Variants in PSKH1 observed in about 807,000 individuals in gnomAD.
PSKH1 encodes protein serine kinase H1, also known as serine/threonine-protein kinase H1.
A neutral mutation model predicts 26.7 loss-of-function variants in PSKH1; 12 were observed. The observed-to-expected ratio is 0.45, with a 90% CI of 0.29 to 0.73. PSKH1 has a LOEUF of 0.73. Ranked by LOEUF, PSKH1 falls within the 30% of genes least tolerant of loss-of-function variation. The pLI is 0.11. For synonymous variants in PSKH1, 213 were observed against 234.3 expected (o/e 0.91, Z 0.83); for missense variants, 431 against 595.2 (o/e 0.72, Z 2.87).
intron 1 of PSKH1, among the ~76,000 whole-genome samples, chr16:67,894,355 T>TA (rs2058120270): frequency 6.6e-6 from 1 of 152,136 alleles, no homozygotes; most frequent in South Asian, 2.1e-4. Context: ...GAGTCTGGCT[T>TA]TGTTGCCAGA....
intron 1 of PSKH1, among the ~76,000 whole-genome samples, chr16:67,900,525 G>A (rs562922265): frequency 6.6e-6 from 1 of 152,284 alleles, no homozygotes; most frequent in South Asian, 2.1e-4. Flanking sequence ...ACTGGATGAG[G>A]CCCAGCACTG....
At chr16:67,896,973 T>C (rs2058128360) in intron 1 of PSKH1, among the ~76,000 whole-genome samples, 1 of 152,202 alleles carries the variant, frequency 6.6e-6, no homozygotes, top group Non-Finnish European at 1.5e-5. Flanking sequence ...CATAGTTAAA[T>C]GAGTGAGACT....
intron 1 of PSKH1, among the ~76,000 whole-genome samples, chr16:67,902,273 GAAATAA>G (rs1339135213): frequency 6.7e-6 from 1 of 149,394 alleles, no homozygotes; most frequent in Non-Finnish European, 1.5e-5. Context: ...AAAAAAAAAA[GAAATAA>G]AAATGAATCG....
chr16:67,906,292 G>A (rs1433567804), intron 1 of PSKH1, among the ~76,000 whole-genome samples: 3 of 151,598 alleles, frequency 2.0e-5, no homozygotes, highest in South Asian at 4.2e-4. Context: ...GGCTGGTCTC[G>A]AACTCCCGAC....
Position 67,909,751 on chromosome 16 carries a change from CG to C in PSKH1, c.957+50del. On this transcript the variant is annotated intron_variant, in intron 2 of 2. Transcript: ENST00000291041. The surrounding 1 kb of genome is among the most constrained non-coding windows in gnomAD (Gnocchi z 7.8). ...GTCCTGGATGTTGGGGAGGCACCTG[CG>C]GGGGCAGGTATATCCTGCAGCTCTC... 1 of 1,549,922 alleles carries C rather than the reference CG, an allele frequency of 6.5e-7. No individual in the cohort carries two copies. The highest frequency in any genetic ancestry group is 8.8e-7 in the Non-Finnish European group (1 of 1,138,544).
chr16:67,897,110 G>A (rs547057484), intron 1 of PSKH1, among the ~76,000 whole-genome samples: 1 of 152,294 alleles, frequency 6.6e-6, no homozygotes, highest in South Asian at 2.1e-4. Context: ...CGACCCTTAA[G>A]CTTCAGGATA....
intron 1 of PSKH1, among the ~76,000 whole-genome samples, chr16:67,905,967 C>T (rs1036145972): frequency 6.6e-6 from 1 of 151,982 alleles, no homozygotes; most frequent in African/African-American, 2.4e-5. Flanking sequence ...TATAACCTAC[C>T]TTGGACCATG....
chr16:67,923,225 C>T (rs931881813), intron 2 of PSKH1, among the ~76,000 whole-genome samples: 3 of 152,058 alleles, frequency 2.0e-5, no homozygotes, highest in South Asian at 4.1e-4. Context: ...CGGAAGAGGT[C>T]GCTTCCCATA....
Position 67,927,203 on chromosome 16 carries a change from C to A in PSKH1, c.958-122C>A. 9.8e-7 allele frequency: 1 copy of A among 1,019,416 alleles called. No homozygotes were observed. The highest frequency in any genetic ancestry group is 1.4e-6 in the Non-Finnish European group (1 of 693,010). 63.1% of individuals were successfully genotyped at this position (1,019,416 alleles called of 1,614,324 possible). On this transcript the variant is annotated intron_variant, in intron 2 of 2. Transcript: ENST00000291041. The surrounding 1 kb of genome is among the most constrained non-coding windows in gnomAD (Gnocchi z 5.5). ...GCGTTGGGCGGGGAGGCCCCAAGTG[C>A]TACATGAGAGGAGGGGCAGCACCTC...
rs2058194394 is a variant in PSKH1, at chr16:67,918,762, T to C, written c.958-8563T>C. On this transcript the variant is annotated intron_variant, in intron 2 of 2. Coordinates refer to ENST00000291041, the MANE Select transcript of PSKH1 (RefSeq NM_006742.3). ...GCCAGCCACCACACCTGGCTAATTT[T>C]TGTATTTTTAGTAGAGACGGGGTTT... Among the ~76,000 whole-genome samples the C allele has an allele frequency of 2.0e-5, 3 of 151,986 alleles. No homozygotes were observed. In the South Asian group the frequency reaches 6.2e-4, roughly 32 times the overall value.
In PSKH1 at chr16:67,909,970, A is replaced by T; in HGVS notation, c.957+264A>T. 1.8e-6 allele frequency: 1 copy of T among 561,838 alleles called. No individual in the cohort carries two copies. Among genetic ancestry groups the T allele is most frequent in the Non-Finnish European group, 3.2e-6 (1 of 315,488 alleles). The allele number at this position is 561,838 out of a possible 1,614,324, so 34.8% of individuals were successfully genotyped here. ...GAAGGAGTGGGAAAAGTGAGGCAGG[A>T]AGGGAGAAAGTCAGTAGAGTATATT... On this transcript the variant is annotated intron_variant, in intron 2 of 2. Coordinates refer to ENST00000291041, the MANE Select transcript of PSKH1 (RefSeq NM_006742.3). This position sits in a 1 kb window ranked among gnomAD's most constrained non-coding sequence, Gnocchi z 7.8.
At chr16:67,911,685 C>A (rs1176721747) in intron 2 of PSKH1, among the ~76,000 whole-genome samples, 2 of 151,832 alleles carry the variant, frequency 1.3e-5, no homozygotes, top group South Asian at 4.1e-4. Flanking sequence ...TCTGTCCCCC[C>A]CAAAAAAAAA....
intron 2 of PSKH1, among the ~76,000 whole-genome samples, chr16:67,925,443 C>G (rs537296044): frequency 6.6e-6 from 1 of 152,254 alleles, no homozygotes; most frequent in East Asian, 1.9e-4. Flanking sequence ...CCACCTGCCT[C>G]AGCCTCCCAA....
At chr16:67,899,235 G>A (rs566175966) in intron 1 of PSKH1, among the ~76,000 whole-genome samples, 8 of 151,976 alleles carry the variant, frequency 5.3e-5, no homozygotes, top group Non-Finnish European at 1.2e-4. Flanking sequence ...TCCAAAGAGT[G>A]TGGCTATGGT....
At chr16:67,915,319 G>A (rs148295542) in intron 2 of PSKH1, among the ~76,000 whole-genome samples, 46 of 151,964 alleles carry the variant, frequency 3.0e-4, no homozygotes, top group African/African-American at 1.1e-3. Context: ...AGCTCCAGAG[G>A]CAAATCCTGG....
At chr16:67,899,124 G>A (rs77281232) in intron 1 of PSKH1, among the ~76,000 whole-genome samples, 1 of 152,244 alleles carries the variant, frequency 6.6e-6, no homozygotes, top group Non-Finnish European at 1.5e-5. Flanking sequence ...CAGAAATGGG[G>A]CTAGGTTTGG....
Position 67,909,850 on chromosome 16 carries a change from A to C in PSKH1, c.957+144A>C, listed in dbSNP as rs1340381236. 2 of 750,814 alleles carry C rather than the reference A, an allele frequency of 2.7e-6. No homozygotes were observed. Among genetic ancestry groups the C allele is most frequent in the Non-Finnish European group, 4.3e-6 (2 of 466,780 alleles). The allele number at this position is 750,814 out of a possible 1,614,324, so 46.5% of individuals were successfully genotyped here. On this transcript the variant is annotated intron_variant, in intron 2 of 2. Coordinates refer to ENST00000291041, the MANE Select transcript of PSKH1 (RefSeq NM_006742.3). This position sits in a 1 kb window ranked among gnomAD's most constrained non-coding sequence, Gnocchi z 7.8. ...CATATAAAAGGGACAAAGTGAGACT[A>C]TCAGAATGTAGTTTGGGTTCCCTCA...
intron 1 of PSKH1, among the ~76,000 whole-genome samples, chr16:67,908,192 A>G (rs1598188978): frequency 6.6e-6 from 1 of 151,988 alleles, no homozygotes; most frequent in Admixed American, 6.6e-5. Flanking sequence ...TTTCAGCTAG[A>G]CCCTGTGTTG....
chr16:67,908,973 C>A lies in PSKH1; in HGVS notation c.224C>A (p.Ser75Ter). 6.2e-7 allele frequency: 1 copy of A among 1,614,018 alleles called. No individual in the cohort carries two copies. The highest frequency in any genetic ancestry group is 8.5e-7 in the Non-Finnish European group (1 of 1,179,926). The change falls in exon 2 of 3, where the codon TCA becomes TAA. Residue 75 changes from serine (S) to a stop codon, truncating the protein, a stop_gained. Coordinates refer to ENST00000291041, the MANE Select transcript of PSKH1 (RefSeq NM_006742.3). LOFTEE classifies it high-confidence loss of function. ...ACTGCTGGCCACACGGAGCCTCCCT[C>A]AGAACCACCACGCAGGGCCAGGGTA... is the stretch of plus-strand genomic sequence containing the variant. ...PPTAGHTEPP[S>*]EPPRRARVAK...
Sources: gnomAD v4.1 joint callset for allele counts (sites outside exome capture counted in the v4.1 genomes callset) on GRCh38, gnomAD v4.1.1 for gene constraint, Gnocchi (gnomAD v3.1) non-coding constraint, MANE v1.5 for transcripts, NCBI Gene and HGNC (gene_info 2026-07-23, HGNC 2026-07-21) for gene names.